Variants in DLG2 observed in about 807,000 individuals in gnomAD.
DLG2 encodes the protein disks large homolog 2.
A neutral mutation model predicts 132.5 loss-of-function variants in DLG2; 45 were observed. The observed-to-expected ratio is 0.34, with a 90% CI of 0.27 to 0.44. DLG2 has a LOEUF of 0.44. Among genes scored for constraint, DLG2 ranks in the 20% least tolerant of loss-of-function variants. DLG2 has a pLI of 1.00. For synonymous variants in DLG2, 424 were observed against 419.6 expected (o/e 1.01, Z -0.13); for missense variants, 1,045 against 1,196.9 (o/e 0.87, Z 1.87).
intron 6 of DLG2, among the ~76,000 whole-genome samples, chr11:85,101,301 T>C (rs1373133499): frequency 6.6e-6 from 1 of 151,992 alleles, no homozygotes; most frequent in Admixed American, 6.6e-5. Flanking sequence ...ATCTGAAAAG[T>C]CTCTACAAGG....
intron 21 of DLG2, among the ~76,000 whole-genome samples, chr11:83,520,696 TAGATAGA>T (rs1199826684): frequency 1.7e-3 from 27 of 15,712 alleles, no homozygotes; most frequent in African/African-American, 5.1e-3. Context: ...AGTAGGTAGG[TAGATAGA>T]TAGATAGATA....
chr11:83,753,894 A>T (rs1405532970), intron 18 of DLG2, among the ~76,000 whole-genome samples: 1 of 61,538 alleles, frequency 1.6e-5, no homozygotes, highest in Non-Finnish European at 3.2e-5. Flanking sequence ...CATATATATC[A>T]TATATATATT....
At chr11:84,671,813 T>C (rs1198903486) in intron 6 of DLG2, among the ~76,000 whole-genome samples, 2 of 152,110 alleles carry the variant, frequency 1.3e-5, no homozygotes, top group African/African-American at 4.8e-5. Flanking sequence ...GAAAAGTGAT[T>C]ATGGGAACTA....
chr11:83,692,119 C>T (rs1232337539), intron 18 of DLG2: 1 of 152,128 alleles, frequency 6.6e-6, no homozygotes, highest in East Asian at 1.9e-4. Flanking sequence ...TTTCTGACAC[C>T]TAAGTGCCTG....
intron 3 of DLG2, among the ~76,000 whole-genome samples, chr11:85,389,221 T>A (rs897903835): frequency 1.3e-5 from 2 of 152,002 alleles, no homozygotes; most frequent in East Asian, 1.9e-4. Context: ...CACTAAAAAG[T>A]CTCAGCAATA....
At chr11:84,246,230 A>G (rs987407792) in intron 8 of DLG2, among the ~76,000 whole-genome samples, 5 of 152,228 alleles carry the variant, frequency 3.3e-5, no homozygotes, top group African/African-American at 1.2e-4. Context: ...TAAACAATTC[A>G]TAAGTTGCAA....
chr11:85,170,449 A>C (rs1001897799), intron 4 of DLG2, among the ~76,000 whole-genome samples: 1 of 152,184 alleles, frequency 6.6e-6, no homozygotes, highest in Admixed American at 6.5e-5. Flanking sequence ...GGGGAGAGTA[A>C]TTCTGCTTTC....
intron 3 of DLG2, among the ~76,000 whole-genome samples, chr11:85,357,569 G>A (rs938274844): frequency 1.4e-5 from 2 of 139,510 alleles, no homozygotes; most frequent in Admixed American, 1.6e-4. Context: ...CTAGTTTGCT[G>A]GCTTCCTCTT....
intron 9 of DLG2, among the ~76,000 whole-genome samples, chr11:84,130,688 A>C (rs1272908201): frequency 6.6e-6 from 1 of 151,880 alleles, no homozygotes; most frequent in African/African-American, 2.4e-5. Flanking sequence ...ATTTGTGTCC[A>C]ACTTGTGACC....
chr11:84,782,042 A>C (rs1174621739), intron 6 of DLG2, among the ~76,000 whole-genome samples: 1 of 152,108 alleles, frequency 6.6e-6, no homozygotes, highest in Non-Finnish European at 1.5e-5. Context: ...AGCAGCCACA[A>C]TCTTCACTTG....
At chr11:85,093,679 C>A (rs1477120934) in intron 6 of DLG2, among the ~76,000 whole-genome samples, 1 of 152,192 alleles carries the variant, frequency 6.6e-6, no homozygotes, top group Non-Finnish European at 1.5e-5. Context: ...CATCAGATGT[C>A]ATGAGGTTTA....
intron 7 of DLG2, among the ~76,000 whole-genome samples, chr11:84,266,207 C>A (rs992378031): frequency 6.6e-6 from 1 of 152,140 alleles, no homozygotes; most frequent in Non-Finnish European, 1.5e-5. Context: ...TATGCACAGG[C>A]ATCACAAGAC....
At chr11:84,782,181 C>A (rs2064238471) in intron 6 of DLG2, among the ~76,000 whole-genome samples, 1 of 152,166 alleles carries the variant, frequency 6.6e-6, no homozygotes, top group Non-Finnish European at 1.5e-5. Context: ...ATGTAAACTT[C>A]CCCACACTCC....
At chr11:83,473,354 T>C (rs990855536) in intron 22 of DLG2, among the ~76,000 whole-genome samples, 5 of 152,132 alleles carry the variant, frequency 3.3e-5, no homozygotes, top group African/African-American at 1.2e-4. Flanking sequence ...TCATTGGTTA[T>C]AATTGCTGCT....
At chr11:84,222,733 T>A (rs1317247597) in intron 8 of DLG2, among the ~76,000 whole-genome samples, 2 of 152,146 alleles carry the variant, frequency 1.3e-5, no homozygotes, top group African/African-American at 4.8e-5. Flanking sequence ...CCCACTCTCA[T>A]CAATTTATAA....
chr11:85,455,154 A>G (rs907268219), intron 3 of DLG2, among the ~76,000 whole-genome samples: 1 of 152,170 alleles, frequency 6.6e-6, no homozygotes, highest in Non-Finnish European at 1.5e-5. Flanking sequence ...CCTATCCATG[A>G]GCATGGAATG....
chr11:85,288,228 G>C (rs1235286423), intron 3 of DLG2, among the ~76,000 whole-genome samples: 4 of 151,810 alleles, frequency 2.6e-5, no homozygotes, highest in Admixed American at 2.6e-4. Flanking sequence ...TAAATATTAA[G>C]ATTTACAGAG....
intron 3 of DLG2, among the ~76,000 whole-genome samples, chr11:85,402,400 C>T (rs927273595): frequency 1.3e-5 from 2 of 152,076 alleles, no homozygotes; most frequent in Non-Finnish European, 2.9e-5. Context: ...AGAACAAAAC[C>T]TAGGCAATAC....
chr11:84,491,298 C>A (rs1461607053), intron 7 of DLG2, among the ~76,000 whole-genome samples: 1 of 151,984 alleles, frequency 6.6e-6, no homozygotes, highest in Non-Finnish European at 1.5e-5. Flanking sequence ...CTCATAAGAT[C>A]TGATGGTTAT....
Sources: allele counts gnomAD v4.1 joint callset (sites outside exome capture counted in the v4.1 genomes callset), GRCh38; gene constraint gnomAD v4.1.1; transcripts MANE v1.5; gene names NCBI Gene and HGNC (gene_info 2026-07-23, HGNC 2026-07-21).